The following RBFOX1 variants were observed in gnomAD, a reference collection of about 807,000 sequenced individuals.
RBFOX1 encodes RNA binding fox-1 homolog 1.
In RBFOX1, 8 loss-of-function variants were observed where a neutral mutation model predicts 57.7. The observed-to-expected ratio is 0.14, with a 90% CI of 0.08 to 0.25. The LOEUF is 0.25. Among genes scored for constraint, RBFOX1 ranks in the 10% least tolerant of loss-of-function variants. The pLI, the probability that RBFOX1 is intolerant of heterozygous loss-of-function variation, is 1.00. For synonymous variants in RBFOX1, 326 were observed against 222.4 expected (o/e 1.47, Z -4.15); for missense variants, 611 against 548.5 (o/e 1.11, Z -1.14).
chr16:5,778,267 C>T (rs964295108), intron 3 of RBFOX1, among the ~76,000 whole-genome samples: 18 of 152,138 alleles, frequency 1.2e-4, no homozygotes, highest in African/African-American at 3.4e-4. Flanking sequence ...TCCTTGGCAC[C>T]TTTGAGCTTC....
At chr16:6,593,509 A>G (rs902228087) in intron 2 of RBFOX1, among the ~76,000 whole-genome samples, 2 of 152,178 alleles carry the variant, frequency 1.3e-5, no homozygotes, top group Non-Finnish European at 2.9e-5. Context: ...ATTGAGCCTC[A>G]GGCTGACAAT....
chr16:7,102,363 C>T (rs1237527547), intron 4 of RBFOX1, among the ~76,000 whole-genome samples: 1 of 152,150 alleles, frequency 6.6e-6, no homozygotes, highest in African/African-American at 2.4e-5. Context: ...TTACTGAGAG[C>T]CTTAGAATTG....
intron 4 of RBFOX1, among the ~76,000 whole-genome samples, chr16:5,884,866 G>T (rs2057858152): frequency 6.6e-6 from 1 of 152,136 alleles, no homozygotes; most frequent in African/African-American, 2.4e-5. Context: ...TGTGGCACGA[G>T]CTTGGAGTGT....
At chr16:5,388,842 G>A (rs1358873587) in intron 1 of RBFOX1, among the ~76,000 whole-genome samples, 1 of 151,692 alleles carries the variant, frequency 6.6e-6, no homozygotes, top group Non-Finnish European at 1.5e-5. Context: ...CTCCCAAAGT[G>A]CTGGGATTAC....
At chr16:7,067,460 T>TA (rs199986787) in intron 4 of RBFOX1, among the ~76,000 whole-genome samples, 10 of 151,908 alleles carry the variant, frequency 6.6e-5, no homozygotes, top group African/African-American at 1.9e-4. Flanking sequence ...TTTTTTTTTT[T>TA]ATCATTCTGA....
At chr16:7,531,734 G>C (rs1308841446) in intron 5 of RBFOX1, among the ~76,000 whole-genome samples, 1 of 152,154 alleles carries the variant, frequency 6.6e-6, no homozygotes, top group Non-Finnish European at 1.5e-5. Context: ...CATTTTGTGT[G>C]ATTACCCCGT....
intron 2 of RBFOX1, among the ~76,000 whole-genome samples, chr16:6,474,704 T>G (rs1410754889): frequency 6.6e-6 from 1 of 152,138 alleles, no homozygotes; most frequent in African/African-American, 2.4e-5. Flanking sequence ...CAAAAATTGT[T>G]CTCAGTGGTG....
intron 2 of RBFOX1, among the ~76,000 whole-genome samples, chr16:6,476,915 T>C (rs192318840): frequency 1.3e-5 from 2 of 152,324 alleles, no homozygotes; most frequent in East Asian, 3.9e-4. Flanking sequence ...GCAACAAGGA[T>C]CATAGTATCT....
chr16:6,735,927 T>TG (rs1224445916), intron 3 of RBFOX1, among the ~76,000 whole-genome samples: 23 of 149,678 alleles, frequency 1.5e-4, no homozygotes, highest in Non-Finnish European at 3.0e-4. Context: ...GTCGCCATTT[T>TG]TTTTTTGCCT....
intron 3 of RBFOX1, among the ~76,000 whole-genome samples, chr16:6,710,885 A>G (rs535735977): frequency 6.6e-6 from 1 of 152,350 alleles, no homozygotes; most frequent in Admixed American, 6.5e-5. Context: ...ATTTGTGCCA[A>G]GTGTCTGAGA....
intron 2 of RBFOX1, among the ~76,000 whole-genome samples, chr16:6,391,738 A>T (rs1363132888): frequency 6.6e-6 from 1 of 152,120 alleles, no homozygotes; most frequent in Non-Finnish European, 1.5e-5. Context: ...TGTGGACCAG[A>T]TGGATGGGCA....
chr16:5,358,691 C>T (rs902713804), intron 1 of RBFOX1, among the ~76,000 whole-genome samples: 4 of 152,090 alleles, frequency 2.6e-5, no homozygotes, highest in African/African-American at 9.7e-5. Context: ...GGTGTGGTGG[C>T]GCATGTATGC....
chr16:6,197,225 C>T (rs2097185494), intron 1 of RBFOX1, among the ~76,000 whole-genome samples: 1 of 152,138 alleles, frequency 6.6e-6, no homozygotes, highest in Non-Finnish European at 1.5e-5. Context: ...GGCCCCCAAG[C>T]ATCTCTTGGT....
intron 3 of RBFOX1, among the ~76,000 whole-genome samples, chr16:6,974,641 G>T (rs2086395291): frequency 6.6e-6 from 1 of 151,936 alleles, no homozygotes; most frequent in Non-Finnish European, 1.5e-5. Flanking sequence ...CACTGCACCT[G>T]GCCCATAAAT....
At chr16:5,622,382 G>T (rs561180285) in intron 3 of RBFOX1, among the ~76,000 whole-genome samples, 1 of 152,220 alleles carries the variant, frequency 6.6e-6, no homozygotes, top group Non-Finnish European at 1.5e-5. Flanking sequence ...GTTCCATGGG[G>T]TAAGGAGTCT....
chr16:7,562,888 C>T (rs1041865772), intron 5 of RBFOX1, among the ~76,000 whole-genome samples: 22 of 152,138 alleles, frequency 1.4e-4, no homozygotes, highest in African/African-American at 5.3e-4. Flanking sequence ...GTTTTAATCT[C>T]ATTGATTTTG....
At chr16:6,990,121 A>G (rs918393433) in intron 3 of RBFOX1, among the ~76,000 whole-genome samples, 1 of 152,238 alleles carries the variant, frequency 6.6e-6, no homozygotes, top group African/African-American at 2.4e-5. Flanking sequence ...TATGTCACCA[A>G]CAACTAGTAA....
At chr16:6,927,094 G>C (rs1179070816) in intron 3 of RBFOX1, among the ~76,000 whole-genome samples, 1 of 151,986 alleles carries the variant, frequency 6.6e-6, no homozygotes, top group Non-Finnish European at 1.5e-5. Flanking sequence ...TCAAGCTTGA[G>C]TTTGCATTAG....
chr16:5,706,497 G>A (rs66549605), intron 3 of RBFOX1, among the ~76,000 whole-genome samples: 41,821 of 152,030 alleles, frequency 0.28, 6,357 homozygotes, highest in East Asian at 0.63. Context: ...TTGAAAACAC[G>A]TCCTGGGTGG....
Sources: gnomAD v4.1 joint callset for allele counts (sites outside exome capture counted in the v4.1 genomes callset) on GRCh38, gnomAD v4.1.1 for gene constraint, MANE v1.5 for transcripts, NCBI Gene and HGNC (gene_info 2026-07-23, HGNC 2026-07-21) for gene names.